Variants in KCND2 observed in about 807,000 individuals in gnomAD.
KCND2 encodes the protein potassium voltage-gated channel subfamily D member 2, also known as A-type voltage-gated potassium channel KCND2.
KCND2 carries 16 observed loss-of-function variants against 54.4 expected under a neutral mutation model. The ratio of observed to expected loss-of-function variants is 0.29; its 90% CI spans 0.20 to 0.45. KCND2 has a LOEUF of 0.45. Among genes scored for constraint, KCND2 ranks in the 20% least tolerant of loss-of-function variants. The pLI, the probability that KCND2 is intolerant of heterozygous loss-of-function variation, is 1.00. For missense variants in KCND2, 486 were observed against 824.2 expected (o/e 0.59, Z 5.02); for synonymous variants, 317 against 310.7 (o/e 1.02, Z -0.21).
chr7:120,454,168 C>G (rs1217177208), intron 1 of KCND2, among the ~76,000 whole-genome samples: 2 of 151,134 alleles, frequency 1.3e-5, no homozygotes, highest in African/African-American at 4.9e-5. Flanking sequence ...CAAAAGAAAA[C>G]TAACCCCAAA....
At chr7:120,439,596 G>A (rs557948920) in intron 1 of KCND2, among the ~76,000 whole-genome samples, 1 of 152,080 alleles carries the variant, frequency 6.6e-6, no homozygotes, top group South Asian at 2.1e-4. Context: ...GTAGAACACT[G>A]GAACTTATTT....
At chr7:120,566,316 TTG>T (rs1792296452) in intron 1 of KCND2, among the ~76,000 whole-genome samples, 1 of 152,154 alleles carries the variant, frequency 6.6e-6, no homozygotes, top group Non-Finnish European at 1.5e-5. Flanking sequence ...TCACCACTTT[TTG>T]TGTGTGTGCG....
At chr7:120,453,425 C>T (rs138616935) in intron 1 of KCND2, among the ~76,000 whole-genome samples, 164 of 152,286 alleles carry the variant, frequency 1.1e-3, no homozygotes, top group African/African-American at 3.5e-3. Context: ...CCTGTACCAC[C>T]AACCTGGTAA....
chr7:120,677,334 G>C (rs1223153159), intron 1 of KCND2, among the ~76,000 whole-genome samples: 1 of 152,118 alleles, frequency 6.6e-6, no homozygotes, highest in East Asian at 1.9e-4. Flanking sequence ...CCAGGGAAGA[G>C]TAAACCAGTA....
rs568125621 is a variant in KCND2 at position 120,682,572 on chromosome 7, A to G, written c.1116-50331A>G. Among the ~76,000 whole-genome samples the G allele has an allele frequency of 7.1e-4, 108 of 152,240 alleles. 2 individuals carry two copies. The highest frequency in any genetic ancestry group is 2.4e-3 in the African/African-American group (101 of 41,562). ...CAAGAATAGTATATAAACTGGTCCT[A>G]CTAATCAGCCATTTAATGATTATTG... On this transcript the variant is annotated intron_variant, in intron 1 of 5. Transcript: ENST00000331113.
intron 1 of KCND2, among the ~76,000 whole-genome samples, chr7:120,311,889 G>T (rs188446494): frequency 2.6e-5 from 4 of 152,014 alleles, no homozygotes; most frequent in African/African-American, 9.7e-5. Context: ...TCCCTGCAAA[G>T]GACATGGTCT....
At chr7:120,555,429 C>T (rs1792152144) in intron 1 of KCND2, among the ~76,000 whole-genome samples, 1 of 152,184 alleles carries the variant, frequency 6.6e-6, no homozygotes, top group South Asian at 2.1e-4. Context: ...GCTGGGATTA[C>T]AGGGACATGC....
At chr7:120,553,873 T>C (rs1158613865) in intron 1 of KCND2, among the ~76,000 whole-genome samples, 1 of 152,212 alleles carries the variant, frequency 6.6e-6, no homozygotes, top group Non-Finnish European at 1.5e-5. Flanking sequence ...TGGGCTTCCA[T>C]ACTAGGCATT....
chr7:120,594,975 G>A (rs1170457685), intron 1 of KCND2, among the ~76,000 whole-genome samples: 2 of 151,178 alleles, frequency 1.3e-5, no homozygotes, highest in Admixed American at 1.3e-4. Flanking sequence ...AGCCGAGATC[G>A]CGCCACTGCA....
At chr7:120,428,796 A>T (rs1801750246) in intron 1 of KCND2, among the ~76,000 whole-genome samples, 1 of 152,230 alleles carries the variant, frequency 6.6e-6, no homozygotes, top group Admixed American at 6.5e-5. Flanking sequence ...ATAGATTTTC[A>T]ATCAAAAGAA....
chr7:120,370,941 T>A (rs990719004), intron 1 of KCND2, among the ~76,000 whole-genome samples: 6 of 152,078 alleles, frequency 3.9e-5, no homozygotes, highest in African/African-American at 1.4e-4. Flanking sequence ...ATTTTATTAC[T>A]CCAGATAGGT....
Position 120,696,877 on chromosome 7 carries a change from T to C in KCND2, c.1116-36026T>C, listed in dbSNP as rs1184824935. Among the ~76,000 whole-genome samples, 6 of 152,314 alleles carry C rather than the reference T, an allele frequency of 3.9e-5. No individual in the cohort carries two copies. The East Asian group carries it at 9.6e-4, about 24-fold the overall frequency. ...TAGTTTATAAATTCTCAGTCTCAGG[T>C]ATTCCATTACAGCAACACAAAATAG... On this transcript the variant is annotated intron_variant, in intron 1 of 5. Coordinates refer to ENST00000331113, the MANE Select transcript of KCND2 (RefSeq NM_012281.3).
chr7:120,408,434 A>G (rs539303363), intron 1 of KCND2, among the ~76,000 whole-genome samples: 2 of 152,046 alleles, frequency 1.3e-5, no homozygotes, highest in East Asian at 3.9e-4. Flanking sequence ...AGTCACTACT[A>G]TACCACAACA....
chr7:120,371,978 C>T (rs1197366948), intron 1 of KCND2, among the ~76,000 whole-genome samples: 1 of 151,900 alleles, frequency 6.6e-6, no homozygotes, highest in Non-Finnish European at 1.5e-5. Context: ...TTTATCTCTT[C>T]ATGTGATGAG....
chr7:120,290,746 CT>C (rs961535613), intron 1 of KCND2, among the ~76,000 whole-genome samples: 19 of 151,608 alleles, frequency 1.3e-4, no homozygotes, highest in African/African-American at 3.9e-4. Context: ...TATATATATG[CT>C]TTTTTTTCTT....
At chr7:120,648,680 G>T (rs1251543267) in intron 1 of KCND2, among the ~76,000 whole-genome samples, 1 of 152,152 alleles carries the variant, frequency 6.6e-6, no homozygotes, top group African/African-American at 2.4e-5. Context: ...TTAAATTTCA[G>T]ATTTGGTATT....
chr7:120,345,425 A>G lies in KCND2; in HGVS notation c.1115+69678A>G, dbSNP rs192835698. Among the ~76,000 whole-genome samples, 836 of 152,306 alleles carry G rather than the reference A, an allele frequency of 5.5e-3. 7 individuals carry two copies. The highest frequency in any genetic ancestry group is 9.3e-3 in the Non-Finnish European group (632 of 68,016). On this transcript the variant is annotated intron_variant, in intron 1 of 5. Coordinates refer to ENST00000331113, the MANE Select transcript of KCND2 (RefSeq NM_012281.3). ...ATTGTGGTAACATCTATGTAGCATA[A>G]AATTTACTACCTTAACCAGTTTAAA...
intron 1 of KCND2, among the ~76,000 whole-genome samples, chr7:120,440,226 A>G (rs1801928361): frequency 6.6e-6 from 1 of 151,972 alleles, no homozygotes; most frequent in Non-Finnish European, 1.5e-5. Flanking sequence ...TGTGGTCTTG[A>G]CTTGCGTTTC....
At position 120,615,155 on chromosome 7, in the gene KCND2, A is replaced by G. The variant is rs1022527135; in HGVS notation, c.1116-117748A>G. ...GCTCGGAACCTTGAGTCAAATTCCT[A>G]TTCTGTCAACTACACCAGAATGCTT... On this transcript the variant is annotated intron_variant, in intron 1 of 5. Transcript: ENST00000331113. 1.2e-4 allele frequency among the ~76,000 whole-genome samples: 19 copies of G among 152,288 alleles called. No homozygotes were observed. In the East Asian group the frequency reaches 3.1e-3, roughly 25 times the overall value.
Sources: gnomAD v4.1 joint callset for allele counts (sites outside exome capture counted in the v4.1 genomes callset) on GRCh38, gnomAD v4.1.1 for gene constraint, MANE v1.5 for transcripts, NCBI Gene and HGNC (gene_info 2026-07-23, HGNC 2026-07-21) for gene names.